Variants in IGSF10 observed in about 807,000 individuals in gnomAD.
IGSF10 encodes immunoglobulin superfamily member 10.
IGSF10 carries 126 observed loss-of-function variants against 128.2 expected under a neutral mutation model. That is an observed-to-expected ratio of 0.98 (90% CI 0.85 to 1.14). IGSF10 has a LOEUF of 1.14. Among genes scored for constraint, IGSF10 ranks in the 50% most tolerant of loss-of-function variants. IGSF10 has a pLI of 0.00. For synonymous variants in IGSF10, 1,185 were observed against 1,146.2 expected, an observed-to-expected ratio of 1.03 and a Z score of -0.68; for missense variants, 3,295 against 3,149.8, an observed-to-expected ratio of 1.05 and a Z score of -1.10.
chr3:151,467,307 G>A, the IGSF10 span, among the ~76,000 whole-genome samples: 2 of 152,196 alleles, frequency 1.3e-5, no homozygotes, highest in Admixed American at 1.3e-4. Context: ...TGATCAGCCA[G>A]GCCTGTCTGC....
At position 151,437,887 on chromosome 3, in the gene IGSF10, A is replaced by G; in HGVS notation, c.6674T>C (p.Met2225Thr). Residue 2225 changes from methionine to threonine, a missense_variant, in exon 8 of 8, where the codon ATG (methionine) becomes ACG (threonine). Transcript: ENST00000282466. ...TTTAGAGACCACATCCAGTTTGTACATTTTGGTGTCATCCCCACTGGGATT... is the reference window on the plus strand; with the variant it reads ...TTTAGAGACCACATCCAGTTTGTACGTTTTGGTGTCATCCCCACTGGGATT... ...ARNPSGDDTK[M>T]YKLDVVSKPP... is the part of the protein sequence containing the mutation. 1 of 1,614,102 alleles carries G rather than the reference A, an allele frequency of 6.2e-7. No individual in the cohort carries two copies. The highest frequency in any genetic ancestry group is 8.5e-7 in the Non-Finnish European group (1 of 1,179,966).
At chr3:151,488,107 A>C in the IGSF10 span, among the ~76,000 whole-genome samples, 10 of 152,186 alleles carry the variant, frequency 6.6e-5, no homozygotes, top group Admixed American at 6.5e-4. Flanking sequence ...AATCTCCATA[A>C]GCTGATAAGC....
downstream of IGSF10, chr3:151,434,714 T>C (rs538137058): frequency 7.6e-4 from 116 of 152,386 alleles, no homozygotes; most frequent in African/African-American, 2.7e-3. Context: ...TCATTATTTC[T>C]TTCCAAATTT....
the IGSF10 span, among the ~76,000 whole-genome samples, chr3:151,505,550 C>T: frequency 0.024 from 3,594 of 152,116 alleles, 102 homozygotes; most frequent in East Asian, 0.063. Context: ...CTTAGTTCCC[C>T]GAGAACGAAG....
chr3:151,455,037 G>T (rs1042092915), intron 4 of IGSF10, among the ~76,000 whole-genome samples: 1 of 151,892 alleles, frequency 6.6e-6, no homozygotes, highest in Non-Finnish European at 1.5e-5. Flanking sequence ...ACAATTTATT[G>T]GTTTTTAGTA....
At chr3:151,439,994 A>C (rs894076908) in intron 7 of IGSF10, among the ~76,000 whole-genome samples, 3 of 152,154 alleles carry the variant, frequency 2.0e-5, no homozygotes, top group Admixed American at 6.5e-5. Context: ...AACCAAGTCA[A>C]ACAGCCTCAA....
At chr3:151,618,742 A>AT in the IGSF10 span, among the ~76,000 whole-genome samples, 1 of 150,908 alleles carries the variant, frequency 6.6e-6, no homozygotes, top group Non-Finnish European at 1.5e-5. Context: ...AAAAAAATAA[A>AT]AAATAAAAAA....
the IGSF10 span, among the ~76,000 whole-genome samples, chr3:151,618,320 T>C: frequency 6.6e-6 from 1 of 152,244 alleles, no homozygotes; most frequent in African/African-American, 2.4e-5. Context: ...CCACCCAGTC[T>C]ATGTTATATT....
At chr3:151,555,798 G>T in the IGSF10 span, among the ~76,000 whole-genome samples, 2 of 152,178 alleles carry the variant, frequency 1.3e-5, no homozygotes, top group South Asian at 4.1e-4. Context: ...ACAGGATAGA[G>T]CACGCAGCCC....
chr3:151,508,525 C>G, the IGSF10 span, among the ~76,000 whole-genome samples: 3 of 152,076 alleles, frequency 2.0e-5, no homozygotes, highest in Non-Finnish European at 4.4e-5. Flanking sequence ...ACTGAGTCTC[C>G]TTTATCAAAG....
At chr3:151,456,873 A>T (rs1029105388) in intron 4 of IGSF10, among the ~76,000 whole-genome samples, 153 bp downstream of exon 4, 1 of 152,210 alleles carries the variant, frequency 6.6e-6, no homozygotes, top group South Asian at 2.1e-4. Context: ...ACAGTTCCAC[A>T]GTTAAAAATC....
chr3:151,443,823 CAG>C lies in IGSF10; in HGVS notation c.5122_5123del (p.Leu1708ValfsTer64). 1 of 1,613,732 alleles carries C rather than the reference CAG, an allele frequency of 6.2e-7. No homozygotes were observed. Among genetic ancestry groups the C allele is most frequent in the Non-Finnish European group, 8.5e-7 (1 of 1,179,678 alleles). On this transcript the variant is annotated frameshift_variant, in exon 7 of 8. Transcript: ENST00000282466. LOFTEE classifies it high-confidence loss of function. ...SRVQVLPNGT[L>X]SIQRVEIQDR... ...CCTGAATTTCCACCCTCTGGATGGA[CAG>C]GGTACCATTGGGGAGAACCTGGACC...
In IGSF10 at chr3:151,445,887, C is replaced by T. The variant is rs145678471; in HGVS notation, c.4094G>A (p.Ser1365Asn). 1.7e-5 allele frequency: 27 copies of T among 1,614,058 alleles called. No individual in the cohort carries two copies. In the African/African-American group the frequency reaches 3.3e-4, roughly 20 times the overall value. ...RTDPNISPDQ[S>N]SGFTTPTAMT... ...AGCAGTGGGTGTAGTGAAGCCAGAA[C>T]TCTGGTCTGGAGAGATGTTTGGGTC... The change falls in exon 6 of 8, where the codon AGT becomes AAT. Residue 1365 changes from serine (S) to asparagine (N), a missense_variant. Physicochemically the swap from Ser to Asn is conservative, Grantham distance 46 (BLOSUM62 1). Coordinates refer to ENST00000282466, the MANE Select transcript of IGSF10 (RefSeq NM_178822.5).
chr3:151,520,393 A>C, the IGSF10 span, among the ~76,000 whole-genome samples: 1 of 151,828 alleles, frequency 6.6e-6, no homozygotes, highest in Non-Finnish European at 1.5e-5. Context: ...TGCTTCTCAG[A>C]CATGTAAAGC....
intron 7 of IGSF10, among the ~76,000 whole-genome samples, 191 bp downstream of exon 7, chr3:151,442,793 T>A (rs4435614): frequency 0.72 from 110,107 of 152,000 alleles, 40,008 homozygotes; most frequent in Middle Eastern, 0.86. Context: ...GAGTTAAGCA[T>A]GTGAAAAGAA....
intron 1 of IGSF10, among the ~76,000 whole-genome samples, chr3:151,460,665 C>T (rs1374269948): frequency 1.3e-5 from 2 of 152,112 alleles, no homozygotes; most frequent in East Asian, 3.8e-4. Flanking sequence ...AGCTTCTCCT[C>T]AAATTGTCTT....
the IGSF10 span, among the ~76,000 whole-genome samples, chr3:151,570,242 A>G: frequency 6.6e-6 from 1 of 152,176 alleles, no homozygotes; most frequent in African/African-American, 2.4e-5. Context: ...TCCTTTGGGT[A>G]TATACCCAGT....
At position 151,446,247 on chromosome 3, in the gene IGSF10, T is replaced by G; in HGVS notation, c.3734A>C (p.Asp1245Ala). The change falls in exon 6 of 8, where the codon GAC becomes GCC. Residue 1245 changes from aspartate to alanine, a missense_variant. Transcript: ENST00000282466. ...LPKTSPALPR[D>A]KVSPFHFTTL... ...GGTGAAATGGAAAGGGGAGACTTTG[T>G]CTCTGGGTAAAGCAGGAGATGTTTT... is the stretch of plus-strand genomic sequence containing the variant. The G allele has an allele frequency of 6.2e-7, 1 of 1,613,744 alleles. No homozygotes were observed. Among genetic ancestry groups the G allele is most frequent in the Non-Finnish European group, 8.5e-7 (1 of 1,179,794 alleles).
At chr3:151,506,108 C>G in the IGSF10 span, among the ~76,000 whole-genome samples, 71,410 of 151,976 alleles carry the variant, frequency 0.47, 17,257 homozygotes, top group African/African-American at 0.57. Context: ...CACGCCACTA[C>G]GCTCAGCTAA....
Sources: allele counts gnomAD v4.1 joint callset (sites outside exome capture counted in the v4.1 genomes callset), GRCh38; gene constraint gnomAD v4.1.1; transcripts MANE v1.5; gene names NCBI Gene and HGNC (gene_info 2026-07-23, HGNC 2026-07-21).